Variants in UBXN7 observed in about 807,000 individuals in gnomAD.
UBXN7 encodes the protein UBX domain-containing protein 7.
UBXN7 carries 9 observed loss-of-function variants against 58.0 expected under a neutral mutation model. The observed-to-expected ratio is 0.16, with a 90% CI of 0.09 to 0.27. The LOEUF is 0.27. Ranked by LOEUF, UBXN7 falls within the 10% of genes least tolerant of loss-of-function variation. The probability of loss-of-function intolerance (pLI) is 1.00; values close to 1 mark genes in which losing one functional copy is unlikely to be tolerated. For synonymous variants in UBXN7, 208 were observed against 205.0 expected, an observed-to-expected ratio of 1.01 and a Z score of -0.12; for missense variants, 328 against 599.6, an observed-to-expected ratio of 0.55 and a Z score of 4.73.
chr3:196,412,615 T>C lies in UBXN7; in HGVS notation c.74-5222A>G, dbSNP rs746285758. ...CTGAAAGCAGGGTCTCAAAAATATA[T>C]TTATATGCCCACTTTCATAATAGCA... On this transcript the variant is annotated intron_variant, in intron 1 of 10. Coordinates refer to ENST00000296328, the MANE Select transcript of UBXN7 (RefSeq NM_015562.2). Among the ~76,000 whole-genome samples the C allele has an allele frequency of 5.3e-5, 8 of 152,212 alleles. No individual in the cohort carries two copies. In the South Asian group the frequency reaches 1.0e-3, roughly 20 times the overall value.
In UBXN7 at chr3:196,406,013, T is replaced by A. The variant is rs568840939; in HGVS notation, c.221+1233A>T. ...TATTCAAGTTTCTGTATTAGGTGGT[T>A]TTTTGTGTTTTTTTTGTTTTTTGTT... On this transcript the variant is annotated intron_variant, in intron 2 of 10. Coordinates refer to ENST00000296328, the MANE Select transcript of UBXN7 (RefSeq NM_015562.2). Among the ~76,000 whole-genome samples, 3 of 152,100 alleles carry A rather than the reference T, an allele frequency of 2.0e-5. No individual in the cohort carries two copies. In the South Asian group the frequency reaches 6.2e-4, roughly 32 times the overall value.
intron 1 of UBXN7, among the ~76,000 whole-genome samples, chr3:196,428,105 C>T (rs962372044): frequency 5.9e-5 from 9 of 152,026 alleles, no homozygotes; most frequent in African/African-American, 1.7e-4. Flanking sequence ...GCCTGGGTGA[C>T]GGAGTGAAAT....
chr3:196,422,851 G>A (rs1730730196), intron 1 of UBXN7, among the ~76,000 whole-genome samples: 1 of 152,182 alleles, frequency 6.6e-6, no homozygotes, highest in Non-Finnish European at 1.5e-5. Flanking sequence ...AAACTGGAAA[G>A]TGTCCTTCAT....
chr3:196,420,003 G>T (rs1352349384), intron 1 of UBXN7, among the ~76,000 whole-genome samples: 1 of 152,078 alleles, frequency 6.6e-6, no homozygotes, highest in Non-Finnish European at 1.5e-5. Flanking sequence ...AAGTAAGGAG[G>T]GCTAAATGAT....
chr3:196,378,604 C>T (rs921414794), intron 5 of UBXN7, among the ~76,000 whole-genome samples: 1 of 152,196 alleles, frequency 6.6e-6, no homozygotes, highest in African/African-American at 2.4e-5. Context: ...TTGGGCAGTT[C>T]CGAGAACTGA....
intron 1 of UBXN7, among the ~76,000 whole-genome samples, chr3:196,409,962 C>T (rs148783160): frequency 0.026 from 3,747 of 143,286 alleles, 137 homozygotes; most frequent in African/African-American, 0.082. Flanking sequence ...TTTTTTGAGA[C>T]GGAGTTTCAC....
rs560257999 is a variant in UBXN7 at position 196,380,118 on chromosome 3, C to T, written c.469-8076G>A. On this transcript the variant is annotated intron_variant, in intron 5 of 10. Coordinates refer to ENST00000296328, the MANE Select transcript of UBXN7 (RefSeq NM_015562.2). ...ACAAAAAATCAGCTGAGCGTGGTGG[C>T]GGGCGCCTGTGGTCCCAGCTACTCA... Among the ~76,000 whole-genome samples the T allele has an allele frequency of 7.8e-4, 119 of 152,120 alleles. No individual in the cohort carries two copies. In the Middle Eastern group the frequency reaches 0.024, roughly 30 times the overall value.
At chr3:196,417,320 A>C (rs1730529135) in intron 1 of UBXN7, among the ~76,000 whole-genome samples, 1 of 151,386 alleles carries the variant, frequency 6.6e-6, no homozygotes, top group Non-Finnish European at 1.5e-5. Context: ...TCGAAAACTA[A>C]ATAAATAAAT....
chr3:196,409,241 T>C (rs1426455083), intron 1 of UBXN7, among the ~76,000 whole-genome samples: 1 of 152,130 alleles, frequency 6.6e-6, no homozygotes, highest in Admixed American at 6.6e-5. Context: ...AAGTTCTGTT[T>C]TTGTTTACGT....
intron 1 of UBXN7, chr3:196,432,106 C>A (rs548822685): frequency 2.9e-6 from 2 of 680,794 alleles, no homozygotes; most frequent in Non-Finnish European, 5.2e-6. Flanking sequence ...TCCCTCCACG[C>A]TACTAGGAGA....
At chr3:196,359,020 A>G (rs1176296179) in intron 10 of UBXN7, among the ~76,000 whole-genome samples, 1 of 152,130 alleles carries the variant, frequency 6.6e-6, no homozygotes, top group Non-Finnish European at 1.5e-5. Flanking sequence ...CCAATGAATT[A>G]GCTTCTCTGC....
At chr3:196,432,266 G>C (rs1731093979) in intron 1 of UBXN7, 61 bp downstream of exon 1, 4 of 1,601,722 alleles carry the variant, frequency 2.5e-6, no homozygotes, top group Non-Finnish European at 3.4e-6. Flanking sequence ...GGGAAGCCCG[G>C]GGCAGACCCG....
chr3:196,406,857 G>A (rs1456936409), intron 2 of UBXN7, among the ~76,000 whole-genome samples: 1 of 152,196 alleles, frequency 6.6e-6, no homozygotes, highest in Non-Finnish European at 1.5e-5. Context: ...TTGCTGTGTA[G>A]CTTGGGGAAA....
intron 4 of UBXN7, among the ~76,000 whole-genome samples, chr3:196,392,696 G>A (rs1352193484): frequency 1.3e-5 from 2 of 152,080 alleles, no homozygotes; most frequent in African/African-American, 4.8e-5. Context: ...CCAGCTACTT[G>A]GGAGGCTGAG....
At chr3:196,424,882 A>T (rs1368462404) in intron 1 of UBXN7, among the ~76,000 whole-genome samples, 1 of 151,686 alleles carries the variant, frequency 6.6e-6, no homozygotes, top group African/African-American at 2.4e-5. Context: ...TTGTATTTTT[A>T]GTAGAGACGG....
At chr3:196,431,796 G>A in intron 1 of UBXN7, 3 of 431,532 alleles carry the variant, frequency 7.0e-6, no homozygotes, top group South Asian at 3.2e-5. Context: ...GCCTTGCCGT[G>A]AAGGCGGGAG....
At chr3:196,377,776 C>G (rs1440992527) in intron 5 of UBXN7, among the ~76,000 whole-genome samples, 1 of 152,136 alleles carries the variant, frequency 6.6e-6, no homozygotes, top group Non-Finnish European at 1.5e-5. Context: ...AAGCGATCCT[C>G]CTACCCCAGC....
At chr3:196,379,931 T>C (rs1729148884) in intron 5 of UBXN7, among the ~76,000 whole-genome samples, 1 of 152,056 alleles carries the variant, frequency 6.6e-6, no homozygotes, top group Non-Finnish European at 1.5e-5. Flanking sequence ...AGGAAAGAAT[T>C]CAGGGCGAGC....
chr3:196,369,185 A>G (rs1728752139), intron 7 of UBXN7, among the ~76,000 whole-genome samples: 1 of 152,244 alleles, frequency 6.6e-6, no homozygotes, highest in Non-Finnish European at 1.5e-5. Flanking sequence ...GTTATTCTTC[A>G]AAAGAACAGA....
Sources: gnomAD v4.1 joint callset for allele counts (sites outside exome capture counted in the v4.1 genomes callset) on GRCh38, gnomAD v4.1.1 for gene constraint, MANE v1.5 for transcripts, NCBI Gene and HGNC (gene_info 2026-07-23, HGNC 2026-07-21) for gene names.